The following GNA12 variants were observed in gnomAD, a reference collection of about 807,000 sequenced individuals.
The protein encoded by GNA12 is guanine nucleotide-binding protein subunit alpha-12.
In GNA12, 9 loss-of-function variants were observed where a neutral mutation model predicts 26.0. That is an observed-to-expected ratio of 0.35 (90% CI 0.21 to 0.60). The LOEUF is 0.60. GNA12 is among the 20% of genes least tolerant of loss of function. GNA12 has a pLI of 0.78. For missense variants in GNA12, 405 were observed against 525.8 expected (o/e 0.77, Z 2.25); for synonymous variants, 264 against 219.6 (o/e 1.20, Z -1.79).
At position 2,780,046 on chromosome 7, in the gene GNA12, G is replaced by GTATATATATATA. The variant is rs1338485354; in HGVS notation, c.525+14881_525+14882insTATATATATATA. Among the ~76,000 whole-genome samples the GTATATATATATA allele has an allele frequency of 3.4e-4, 29 of 85,828 alleles. 2 individuals are homozygous for GTATATATATATA. The highest frequency in any genetic ancestry group is 1.2e-3 in the African/African-American group (26 of 22,206). 56.3% of individuals were successfully genotyped at this position (85,828 alleles called of 152,430 possible). On this transcript the variant is annotated intron_variant, in intron 2 of 3. Transcript: ENST00000275364. ...ACGTACTAGTTTTTTACACATTTCT[G>GTATATATATATA]TGTACATATATATATATATATATAT... is the stretch of plus-strand genomic sequence containing the variant.
chr7:2,816,175 A>G (rs1793213800), intron 1 of GNA12, among the ~76,000 whole-genome samples: 2 of 152,224 alleles, frequency 1.3e-5, no homozygotes, highest in Admixed American at 1.3e-4. Flanking sequence ...GTGACGGTGG[A>G]AAGAAGTAAA....
chr7:2,771,746 G>A (rs963089471), intron 2 of GNA12, among the ~76,000 whole-genome samples: 2 of 152,188 alleles, frequency 1.3e-5, no homozygotes, highest in African/African-American at 4.8e-5. Flanking sequence ...ACATGTGTGT[G>A]CAAGTCTTTG....
chr7:2,767,036 CACTGGAGA>C (rs1364829814), intron 2 of GNA12, among the ~76,000 whole-genome samples: 1 of 152,256 alleles, frequency 6.6e-6, no homozygotes, highest in Non-Finnish European at 1.5e-5. Context: ...TGCTTATCCT[CACTGGAGA>C]ACTGTCCATT....
At chr7:2,754,842 T>A (rs1791214969) in intron 2 of GNA12, among the ~76,000 whole-genome samples, 1 of 152,148 alleles carries the variant, frequency 6.6e-6, no homozygotes, top group Non-Finnish European at 1.5e-5. Context: ...CACTAGGGCG[T>A]CATGTCTAAG....
intron 1 of GNA12, among the ~76,000 whole-genome samples, chr7:2,835,383 C>T: frequency 6.6e-6 from 1 of 152,300 alleles, no homozygotes; most frequent in East Asian, 1.9e-4. Flanking sequence ...GGCTGTTCCC[C>T]ACACCCCCAT....
intron 1 of GNA12, among the ~76,000 whole-genome samples, chr7:2,830,611 G>C (rs942503696): frequency 8.5e-5 from 13 of 152,196 alleles, no homozygotes; most frequent in African/African-American, 2.4e-4. Flanking sequence ...CGAGCAAAGG[G>C]GGATAAGGGA....
intron 2 of GNA12, among the ~76,000 whole-genome samples, chr7:2,785,906 AT>A (rs1053043196): frequency 2.0e-5 from 3 of 152,228 alleles, no homozygotes; most frequent in African/African-American, 7.2e-5. Context: ...AAATAAAAAA[AT>A]AAATAAAAAA....
At chr7:2,800,733 C>T (rs1792789281) in intron 1 of GNA12, among the ~76,000 whole-genome samples, 1 of 152,132 alleles carries the variant, frequency 6.6e-6, no homozygotes, top group Non-Finnish European at 1.5e-5. Context: ...CGGAGCTTTC[C>T]GAAGGGTGGG....
At chr7:2,745,965 GCTAA>G (rs1389897900) in intron 2 of GNA12, among the ~76,000 whole-genome samples, 1 of 152,082 alleles carries the variant, frequency 6.6e-6, no homozygotes, top group Non-Finnish European at 1.5e-5. Context: ...AACAAGAAGA[GCTAA>G]CTATCCTAAA....
At chr7:2,806,270 G>A (rs1482327519) in intron 1 of GNA12, among the ~76,000 whole-genome samples, 1 of 152,072 alleles carries the variant, frequency 6.6e-6, no homozygotes, top group South Asian at 2.1e-4. Context: ...CCTGAGGTCA[G>A]GAGTTCGAGA....
chr7:2,829,967 T>C (rs1309939480), intron 1 of GNA12, among the ~76,000 whole-genome samples: 1 of 152,200 alleles, frequency 6.6e-6, no homozygotes, highest in East Asian at 1.9e-4. Flanking sequence ...TTTCTCCTGC[T>C]AGCTAGTAAG....
chr7:2,842,762 T>C (rs537402384), intron 1 of GNA12, among the ~76,000 whole-genome samples: 44 of 152,320 alleles, frequency 2.9e-4, no homozygotes, highest in African/African-American at 9.4e-4. Context: ...CTATTACTAA[T>C]GTTTAGGTTT....
intron 2 of GNA12, among the ~76,000 whole-genome samples, chr7:2,771,784 G>C (rs1216819668): frequency 6.6e-6 from 1 of 152,002 alleles, no homozygotes; most frequent in Non-Finnish European, 1.5e-5. Flanking sequence ...ACTTCTCTTT[G>C]GTAAATATCT....
chr7:2,826,465 T>C (rs1297312272), intron 1 of GNA12, among the ~76,000 whole-genome samples: 3 of 151,878 alleles, frequency 2.0e-5, no homozygotes, highest in East Asian at 3.9e-4. Context: ...TGAACACTTA[T>C]GTCTACACAA....
At chr7:2,813,913 C>A (rs1037885565) in intron 1 of GNA12, among the ~76,000 whole-genome samples, 4 of 152,160 alleles carry the variant, frequency 2.6e-5, no homozygotes, top group African/African-American at 4.8e-5. Context: ...GGAAGGTGGA[C>A]TGCCCTCCCC....
intron 1 of GNA12, among the ~76,000 whole-genome samples, chr7:2,813,563 G>A (rs1793137288): frequency 6.6e-6 from 1 of 152,128 alleles, no homozygotes; most frequent in Non-Finnish European, 1.5e-5. Context: ...CATTCCGGGA[G>A]AGCTCTCAGG....
intron 1 of GNA12, among the ~76,000 whole-genome samples, chr7:2,818,836 CT>C (rs35071403): frequency 0.099 from 15,020 of 151,674 alleles, 950 homozygotes; most frequent in Middle Eastern, 0.19. Flanking sequence ...ACAGGTTTCG[CT>C]TGCCGTTTTC....
chr7:2,775,989 C>T (rs1303628078), intron 2 of GNA12, among the ~76,000 whole-genome samples: 1 of 152,246 alleles, frequency 6.6e-6, no homozygotes, highest in African/African-American at 2.4e-5. Flanking sequence ...GGGCAGCTCC[C>T]CTGGTGGGAA....
chr7:2,770,657 A>G (rs1791925066), intron 2 of GNA12, among the ~76,000 whole-genome samples: 1 of 151,930 alleles, frequency 6.6e-6, no homozygotes, highest in African/African-American at 2.4e-5. Context: ...CAACAACAAA[A>G]CAAAACAAAA....
Sources: allele counts gnomAD v4.1 joint callset (sites outside exome capture counted in the v4.1 genomes callset), GRCh38; gene constraint gnomAD v4.1.1; transcripts MANE v1.5; gene names NCBI Gene and HGNC (gene_info 2026-07-23, HGNC 2026-07-21).